Variants in LARGE1 observed in about 807,000 individuals in gnomAD.
LARGE1 encodes the protein xylosyl- and glucuronyltransferase LARGE1.
In LARGE1, 43 loss-of-function variants were observed where a neutral mutation model predicts 87.6. The observed-to-expected ratio is 0.49, with a 90% confidence interval of 0.38 to 0.63. The LOEUF (loss-of-function observed/expected upper bound fraction) is 0.63, where lower values mean the gene tolerates loss of function less well. Among genes scored for constraint, LARGE1 ranks in the 30% least tolerant of loss-of-function variants. The probability of loss-of-function intolerance (pLI) is 0.00; values close to 1 mark genes in which losing one functional copy is unlikely to be tolerated. For missense variants in LARGE1, 802 were observed against 1,000.2 expected (o/e 0.80, Z 2.67); for synonymous variants, 434 against 394.6 (o/e 1.10, Z -1.18).
At chr22:33,210,712 G>A (rs5994696) in intron 11 of LARGE1, among the ~76,000 whole-genome samples, 279 of 152,350 alleles carry the variant, frequency 1.8e-3, no homozygotes, top group African/African-American at 6.5e-3. Flanking sequence ...GCGCTCACAC[G>A]CACACGGGCT....
intron 2 of LARGE1, among the ~76,000 whole-genome samples, chr22:33,672,486 G>A: frequency 6.6e-6 from 1 of 152,140 alleles, no homozygotes; most frequent in East Asian, 1.9e-4. Context: ...AGCCAGCCCT[G>A]CTCTCCTGTT....
At chr22:33,607,121 C>A (rs1456482412) in intron 4 of LARGE1, among the ~76,000 whole-genome samples, 1 of 152,028 alleles carries the variant, frequency 6.6e-6, no homozygotes, top group Non-Finnish European at 1.5e-5. Context: ...GTAGACATGT[C>A]ATTTAGGAGA....
chr22:33,769,954 G>A (rs2085015020), intron 1 of LARGE1, among the ~76,000 whole-genome samples: 2 of 152,092 alleles, frequency 1.3e-5, no homozygotes, highest in South Asian at 4.1e-4. Flanking sequence ...TAGGCCAACA[G>A]GTTATAGTAA....
intron 2 of LARGE1, among the ~76,000 whole-genome samples, chr22:33,671,998 C>T (rs750060603): frequency 1.3e-5 from 2 of 152,124 alleles, no homozygotes; most frequent in Non-Finnish European, 2.9e-5. Context: ...TTTCTTACCA[C>T]ACATAAAAAA....
intron 5 of LARGE1, among the ~76,000 whole-genome samples, chr22:33,600,478 TAGG>T (rs1423247291): frequency 6.6e-6 from 1 of 152,164 alleles, no homozygotes; most frequent in Non-Finnish European, 1.5e-5. Context: ...TATGTGATTC[TAGG>T]AGAACATGTA....
chr22:33,581,274 G>A (rs2078511398), intron 5 of LARGE1, among the ~76,000 whole-genome samples: 1 of 152,136 alleles, frequency 6.6e-6, no homozygotes, highest in African/African-American at 2.4e-5. Context: ...AGTACCTAAT[G>A]CTGGAACTTT....
At chr22:33,204,463 T>C (rs996657533) in intron 11 of LARGE1, among the ~76,000 whole-genome samples, 2 of 152,174 alleles carry the variant, frequency 1.3e-5, no homozygotes, top group Non-Finnish European at 2.9e-5. Flanking sequence ...AATGGACTTA[T>C]CAGCTTCCCA....
At chr22:33,693,953 G>T (rs991956740) in intron 2 of LARGE1, among the ~76,000 whole-genome samples, 2 of 152,212 alleles carry the variant, frequency 1.3e-5, no homozygotes, top group Non-Finnish European at 2.9e-5. Flanking sequence ...CAACCCAGGT[G>T]TAGCCAGTGA....
intron 11 of LARGE1, among the ~76,000 whole-genome samples, chr22:33,251,922 C>T (rs5994705): frequency 0.6 from 91,752 of 152,072 alleles, 29,896 homozygotes; most frequent in East Asian, 0.72. Context: ...CCAGTCCATA[C>T]ATCTCCATCT....
chr22:33,290,846 C>T (rs1045122595), intron 12 of LARGE1, among the ~76,000 whole-genome samples: 2 of 152,108 alleles, frequency 1.3e-5, no homozygotes, highest in African/African-American at 4.8e-5. Context: ...CGAGACCAGC[C>T]TGACCAACAT....
At chr22:33,653,187 G>C (rs1347566857) in intron 2 of LARGE1, among the ~76,000 whole-genome samples, 1 of 152,168 alleles carries the variant, frequency 6.6e-6, no homozygotes, top group African/African-American at 2.4e-5. Flanking sequence ...GTCTATCATG[G>C]ATCTGCACCA....
chr22:33,639,924 C>T (rs1006054645), intron 3 of LARGE1, among the ~76,000 whole-genome samples: 13 of 152,192 alleles, frequency 8.5e-5, no homozygotes, highest in Non-Finnish European at 1.6e-4. Flanking sequence ...GATAAGAGGG[C>T]AAAGGGACTG....
intron 1 of LARGE1, among the ~76,000 whole-genome samples, chr22:33,889,453 C>T (rs559557975): frequency 1.3e-5 from 2 of 152,288 alleles, no homozygotes; most frequent in East Asian, 1.9e-4. Flanking sequence ...TGGAATAATA[C>T]GTATCTGGAA....
chr22:33,748,802 G>A (rs1163442200), intron 2 of LARGE1, among the ~76,000 whole-genome samples: 2 of 152,186 alleles, frequency 1.3e-5, no homozygotes, highest in Non-Finnish European at 1.5e-5. Flanking sequence ...CATTCACAAG[G>A]AAGTGCCAGT....
At chr22:33,467,905 C>A (rs1239431255) in intron 6 of LARGE1, among the ~76,000 whole-genome samples, 2 of 152,148 alleles carry the variant, frequency 1.3e-5, no homozygotes, top group African/African-American at 4.8e-5. Flanking sequence ...ACCTTAGATG[C>A]CAGTGGAGTG....
chr22:33,254,926 T>TACCTGTAG (rs971359776), intron 11 of LARGE1, among the ~76,000 whole-genome samples: 1 of 150,738 alleles, frequency 6.6e-6, no homozygotes, highest in Non-Finnish European at 1.5e-5. Context: ...CTGCATGGTC[T>TACCTGTAG]ACCTGTAGAT....
chr22:33,068,799 C>G, the LARGE1 span, among the ~76,000 whole-genome samples: 2 of 152,106 alleles, frequency 1.3e-5, no homozygotes, highest in Non-Finnish European at 2.9e-5. Flanking sequence ...GCCAGGCAAC[C>G]AAAACAGCAC....
At chr22:33,126,987 C>G in the LARGE1 span, among the ~76,000 whole-genome samples, 2 of 152,254 alleles carry the variant, frequency 1.3e-5, no homozygotes, top group African/African-American at 4.8e-5. Flanking sequence ...ATAGCTCTCT[C>G]TTCTCCTTCT....
At chr22:33,712,637 A>AGTGTGTGTGTGTGTGTGTGTGTGT (rs34754283) in intron 2 of LARGE1, among the ~76,000 whole-genome samples, 1 of 134,636 alleles carries the variant, frequency 7.4e-6, no homozygotes, top group African/African-American at 2.8e-5. Context: ...TGAGGGGTAC[A>AGTGTGTGTGTGTGTGTGTGTGTGT]GTGTGTGTGT....
Sources: gnomAD v4.1 joint callset for allele counts (sites outside exome capture counted in the v4.1 genomes callset) on GRCh38, gnomAD v4.1.1 for gene constraint, MANE v1.5 for transcripts, NCBI Gene and HGNC (gene_info 2026-07-23, HGNC 2026-07-21) for gene names.